Variants in NUDCD3 observed in about 807,000 individuals in gnomAD.
The protein encoded by NUDCD3 is nudC domain-containing protein 3.
NUDCD3 carries 13 observed loss-of-function variants against 39.7 expected under a neutral mutation model. The ratio of observed to expected loss-of-function variants is 0.33; its 90% CI spans 0.21 to 0.52. NUDCD3 has a LOEUF of 0.52. NUDCD3 is among the 20% of genes least tolerant of loss of function. The pLI is 0.96. For synonymous variants in NUDCD3, 175 were observed against 172.4 expected (o/e 1.02, Z -0.12); for missense variants, 453 against 458.1 (o/e 0.99, Z 0.10).
rs763930678 is a variant in NUDCD3, at chr7:44,432,552, GT to G, written c.510-4850del. Among the ~76,000 whole-genome samples the G allele has an allele frequency of 6.6e-5, 10 of 152,346 alleles. No individual in the cohort carries two copies. In the East Asian group the frequency reaches 9.6e-4, roughly 15 times the overall value. On this transcript the variant is annotated intron_variant, in intron 2 of 5. Transcript: ENST00000355451. Reference sequence around the variant, plus strand: ...CAGCCAGTGATTCCAAAGCGGAGGTGTTTGCACAGAAATGTCAAGCTTGCTG... The same window carrying G: ...CAGCCAGTGATTCCAAAGCGGAGGTGTTGCACAGAAATGTCAAGCTTGCTG...
rs938747939 is a variant in NUDCD3 at position 44,490,400 on chromosome 7, C to G, written c.192+9G>C. The G allele has an allele frequency of 6.5e-7, 1 of 1,540,232 alleles. No individual in the cohort carries two copies. The highest frequency in any genetic ancestry group is 1.4e-5 in the African/African-American group (1 of 72,896). ...GCGGCTCCCCAGACCGCAGGCCCGCCCGCCTCACCTGCAGCACCAAGGCCT... is the reference window on the plus strand; with the variant it reads ...GCGGCTCCCCAGACCGCAGGCCCGCGCGCCTCACCTGCAGCACCAAGGCCT... On this transcript the variant is annotated intron_variant, in intron 1 of 5. Transcript: ENST00000355451.
intron 2 of NUDCD3, among the ~76,000 whole-genome samples, chr7:44,446,624 C>T (rs1051896163): frequency 2.0e-5 from 3 of 152,226 alleles, no homozygotes; most frequent in East Asian, 1.9e-4. Context: ...CAACCAGGTC[C>T]TTCCAATGCC....
chr7:44,480,577 T>C (rs1182684987), intron 2 of NUDCD3, among the ~76,000 whole-genome samples: 2 of 152,186 alleles, frequency 1.3e-5, no homozygotes, highest in Non-Finnish European at 2.9e-5. Context: ...TCGCTATCCA[T>C]GGGTTCCATA....
rs373162448 is a variant in NUDCD3 at position 44,389,775 on chromosome 7, A to G, written c.975+2522T>C. Among the ~76,000 whole-genome samples, 58 of 152,248 alleles carry G rather than the reference A, an allele frequency of 3.8e-4. 1 individual carries two copies. The highest frequency in any genetic ancestry group is 1.4e-3 in the African/African-American group (57 of 41,544). On this transcript the variant is annotated intron_variant, in intron 5 of 5. Coordinates refer to ENST00000355451, the MANE Select transcript of NUDCD3 (RefSeq NM_015332.4). ...GGCACAGAACATAAAGGATGGGGGAAAGAGACTGAGAGGAAGGTCAAGGAG... is the reference window on the plus strand; with the variant it reads ...GGCACAGAACATAAAGGATGGGGGAGAGAGACTGAGAGGAAGGTCAAGGAG...
chr7:44,447,271 C>A (rs1174061233), intron 2 of NUDCD3, among the ~76,000 whole-genome samples: 2 of 152,214 alleles, frequency 1.3e-5, no homozygotes, highest in East Asian at 3.8e-4. Flanking sequence ...AAAAATAATT[C>A]TTTAAGTGAC....
At chr7:44,397,056 T>C (rs537455411) in intron 4 of NUDCD3, among the ~76,000 whole-genome samples, 2 of 152,358 alleles carry the variant, frequency 1.3e-5, no homozygotes, top group South Asian at 2.1e-4. Context: ...CATGAGCTAC[T>C]GCTACAATCA....
chr7:44,405,772 T>C (rs1563167233), intron 3 of NUDCD3, among the ~76,000 whole-genome samples: 1 of 152,178 alleles, frequency 6.6e-6, no homozygotes, highest in Non-Finnish European at 1.5e-5. Context: ...GGAGAAATGA[T>C]GTGCAGGAGT....
At chr7:44,414,671 A>C (rs966921166) in intron 3 of NUDCD3, among the ~76,000 whole-genome samples, 3 of 152,216 alleles carry the variant, frequency 2.0e-5, no homozygotes, top group Admixed American at 6.5e-5. Flanking sequence ...TTGAACATAT[A>C]AATGTGTTAT....
chr7:44,490,381 C>T, intron 1 of NUDCD3, 28 bp downstream of exon 1: 4 of 1,512,346 alleles, frequency 2.6e-6, no homozygotes, highest in Non-Finnish European at 3.5e-6. Context: ...GGCGGCGGCT[C>T]CCCAGACCGC....
intron 4 of NUDCD3, among the ~76,000 whole-genome samples, chr7:44,403,248 G>A (rs924822735): frequency 6.6e-6 from 1 of 152,244 alleles, no homozygotes; most frequent in Non-Finnish European, 1.5e-5. Context: ...TGGGTGGCCA[G>A]GAGAGTCAGA....
chr7:44,447,126 T>C (rs1799703499), intron 2 of NUDCD3, among the ~76,000 whole-genome samples: 1 of 152,220 alleles, frequency 6.6e-6, no homozygotes, highest in African/African-American at 2.4e-5. Context: ...GGGGCAGGCC[T>C]GGTAGGAGAA....
chr7:44,439,814 C>T (rs1456549532), intron 2 of NUDCD3, among the ~76,000 whole-genome samples: 2 of 151,872 alleles, frequency 1.3e-5, no homozygotes, highest in African/African-American at 4.8e-5. Flanking sequence ...AATGGAAGTC[C>T]AATTAAAAAT....
chr7:44,386,716 G>A (rs374829458), intron 5 of NUDCD3, among the ~76,000 whole-genome samples: 7 of 152,220 alleles, frequency 4.6e-5, no homozygotes, highest in African/African-American at 1.7e-4. Flanking sequence ...ATTCCCCACT[G>A]CATCCTTGCA....
At chr7:44,434,542 C>A (rs996661232) in intron 2 of NUDCD3, among the ~76,000 whole-genome samples, 1 of 152,198 alleles carries the variant, frequency 6.6e-6, no homozygotes, top group Non-Finnish European at 1.5e-5. Flanking sequence ...TGCTTCTTTA[C>A]TAGCAGGGAT....
At chr7:44,421,129 C>T (rs774285227) in intron 3 of NUDCD3, among the ~76,000 whole-genome samples, 3 of 151,942 alleles carry the variant, frequency 2.0e-5, no homozygotes, top group Admixed American at 6.6e-5. Flanking sequence ...GTCAGGAGTT[C>T]GAGACCAGTC....
chr7:44,395,959 T>C (rs183148372), intron 4 of NUDCD3, among the ~76,000 whole-genome samples: 2 of 152,336 alleles, frequency 1.3e-5, no homozygotes, highest in African/African-American at 4.8e-5. Context: ...CATATGGTAA[T>C]TCTACAGTTA....
chr7:44,396,086 G>GTT (rs978363432), intron 4 of NUDCD3, among the ~76,000 whole-genome samples: 3 of 130,082 alleles, frequency 2.3e-5, no homozygotes, highest in Non-Finnish European at 4.7e-5. Context: ...GTTATCTTCT[G>GTT]TTGTGTGTGT....
Position 44,485,122 on chromosome 7 carries a change from C to T in NUDCD3, c.355G>A (p.Asp119Asn), listed in dbSNP as rs1210467586. ...VPVPVQEIEI[D>N]STTELDGHQE... ...TGCCCATCCAATTCTGTGGTGGAGT[C>T]AATCTCTATTTCCTGGACTGGAACT... is the stretch of plus-strand genomic sequence containing the variant. The change falls in exon 2 of 6, where the codon GAC (aspartate) becomes AAC (asparagine). Residue 119 changes from aspartate (D) to asparagine (N), a missense_variant. Coordinates refer to ENST00000355451, the MANE Select transcript of NUDCD3 (RefSeq NM_015332.4). 3 of 1,614,196 alleles carry T rather than the reference C, an allele frequency of 1.9e-6. No individual in the cohort carries two copies. The highest frequency in any genetic ancestry group is 3.3e-4 in the Middle Eastern group (2 of 6,062).
intron 5 of NUDCD3, among the ~76,000 whole-genome samples, chr7:44,389,480 C>A (rs1798469647): frequency 6.6e-6 from 1 of 152,170 alleles, no homozygotes; most frequent in Non-Finnish European, 1.5e-5. Context: ...AGATCGAGAC[C>A]ATCCTGGCTA....
Sources: gnomAD v4.1 joint callset for allele counts (sites outside exome capture counted in the v4.1 genomes callset) on GRCh38, gnomAD v4.1.1 for gene constraint, MANE v1.5 for transcripts, NCBI Gene and HGNC (gene_info 2026-07-23, HGNC 2026-07-21) for gene names.